Variants in SAMMSON observed in about 807,000 individuals in gnomAD.
SAMMSON encodes long intergenic non-protein coding RNA 1212.
intron 7 of SAMMSON, among the ~76,000 whole-genome samples, chr3:70,316,527 A>C (rs1157670481): frequency 1.3e-5 from 2 of 152,078 alleles, no homozygotes; most frequent in South Asian, 2.1e-4. Context: ...TCTGTTGTTC[A>C]GTATACTCAG....
intron 3 of SAMMSON, among the ~76,000 whole-genome samples, chr3:70,051,134 CAAAAAAAAA>C (rs71126477): frequency 0.022 from 1,006 of 45,218 alleles, 6 homozygotes; most frequent in Middle Eastern, 0.071. Flanking sequence ...TACTCCATCT[CAAAAAAAAA>C]AAAAAAAAAA....
chr3:70,112,463 A>T (rs902404138), intron 4 of SAMMSON, among the ~76,000 whole-genome samples: 1 of 152,094 alleles, frequency 6.6e-6, no homozygotes, highest in African/African-American at 2.4e-5. Flanking sequence ...AAAGAGTGGG[A>T]CAGAAGAAGC....
intron 4 of SAMMSON, among the ~76,000 whole-genome samples, chr3:70,103,915 C>T (rs1193510562): frequency 5.9e-5 from 9 of 151,726 alleles, no homozygotes; most frequent in African/African-American, 1.5e-4. Context: ...TGAATCTTTA[C>T]GTCTTGCCCT....
intron 1 of SAMMSON, among the ~76,000 whole-genome samples, chr3:70,000,262 A>G (rs1232324850): frequency 6.6e-6 from 1 of 152,154 alleles, no homozygotes; most frequent in East Asian, 1.9e-4. Flanking sequence ...GCCTGTCTGT[A>G]TGCTCCTCTA....
chr3:70,207,033 CTTTT>C (rs11317960), intron 4 of SAMMSON, among the ~76,000 whole-genome samples: 3 of 139,634 alleles, frequency 2.1e-5, no homozygotes, highest in South Asian at 4.5e-4. Flanking sequence ...CTTATTTCTA[CTTTT>C]TTTTTTTTTT....
At chr3:70,180,025 T>TGC (rs1203221772) in intron 4 of SAMMSON, among the ~76,000 whole-genome samples, 8 of 150,470 alleles carry the variant, frequency 5.3e-5, no homozygotes, top group East Asian at 2.0e-4. Flanking sequence ...TGTGTGTGTG[T>TGC]GTGCGCGCAC....
chr3:70,023,690 C>T (rs1360130262), intron 3 of SAMMSON, among the ~76,000 whole-genome samples: 7 of 152,062 alleles, frequency 4.6e-5, no homozygotes, highest in African/African-American at 1.7e-4. Flanking sequence ...CCCATTTGTC[C>T]ACTATCAGAA....
At chr3:70,425,660 G>A (rs755796765) in intron 2 of SAMMSON, among the ~76,000 whole-genome samples, 46 of 151,684 alleles carry the variant, frequency 3.0e-4, no homozygotes, top group Admixed American at 2.5e-3. Flanking sequence ...TGATCCGCCC[G>A]CCTCCCAAAG....
intron 3 of SAMMSON, among the ~76,000 whole-genome samples, chr3:70,029,593 A>C: frequency 6.6e-6 from 1 of 152,080 alleles, no homozygotes; most frequent in Admixed American, 6.6e-5. Flanking sequence ...GTCTCTACTA[A>C]AAATACAAAA....
chr3:70,065,519 T>G (rs2067206319), intron 3 of SAMMSON, among the ~76,000 whole-genome samples: 2 of 152,090 alleles, frequency 1.3e-5, no homozygotes, highest in African/African-American at 4.8e-5. Flanking sequence ...CTTTGTGTTT[T>G]GTTTTTTTTA....
chr3:70,193,330 G>C (rs943544752), intron 4 of SAMMSON, among the ~76,000 whole-genome samples: 5 of 152,120 alleles, frequency 3.3e-5, no homozygotes, highest in Non-Finnish European at 5.9e-5. Context: ...GTCTTGCTCT[G>C]TCACCCAGGC....
chr3:70,091,808 G>A (rs147044871), intron 4 of SAMMSON, among the ~76,000 whole-genome samples: 33 of 152,236 alleles, frequency 2.2e-4, no homozygotes, highest in African/African-American at 7.0e-4. Flanking sequence ...TAAAAGTCAA[G>A]AGGTATGCAC....
intron 2 of SAMMSON, among the ~76,000 whole-genome samples, chr3:70,420,149 T>A (rs867557212): frequency 2.8e-4 from 42 of 152,184 alleles, no homozygotes; most frequent in Non-Finnish European, 5.9e-5. Context: ...AATTTACTTA[T>A]AATAAACTGG....
At chr3:70,317,643 C>T (rs754811379) in intron 7 of SAMMSON, among the ~76,000 whole-genome samples, 38 of 150,974 alleles carry the variant, frequency 2.5e-4, no homozygotes, top group Non-Finnish European at 5.0e-4. Flanking sequence ...TGGATATACA[C>T]GCGTGTATAG....
intron 7 of SAMMSON, among the ~76,000 whole-genome samples, chr3:70,333,200 G>C (rs1049402951): frequency 7.2e-5 from 11 of 151,966 alleles, no homozygotes; most frequent in African/African-American, 2.7e-4. Context: ...GACAGAGCCT[G>C]TTTCACACTT....
intron 2 of SAMMSON, among the ~76,000 whole-genome samples, chr3:70,013,320 TC>T (rs1559771980): frequency 6.6e-6 from 1 of 152,280 alleles, no homozygotes; most frequent in South Asian, 2.1e-4. Flanking sequence ...AAGAGTAGCC[TC>T]CTCAAAGGTT....
intron 7 of SAMMSON, among the ~76,000 whole-genome samples, chr3:70,333,278 G>A (rs1702638827): frequency 2.0e-5 from 3 of 152,040 alleles, no homozygotes. Context: ...CATGTGACCT[G>A]ATCCTGCCAA....
intron 2 of SAMMSON, among the ~76,000 whole-genome samples, chr3:70,400,314 G>A (rs778119986): frequency 6.6e-6 from 1 of 152,162 alleles, no homozygotes; most frequent in African/African-American, 2.4e-5. Flanking sequence ...GGTCATGCAG[G>A]TGGATCCCTC....
chr3:70,245,288 A>AAATTACTTTTG (rs1432899489), intron 4 of SAMMSON, among the ~76,000 whole-genome samples: 2 of 152,106 alleles, frequency 1.3e-5, no homozygotes, highest in Non-Finnish European at 2.9e-5. Flanking sequence ...TGGTGATATA[A>AAATTACTTTTG]AATTACTTTT....
Sources: gnomAD v4.1 joint callset for allele counts (sites outside exome capture counted in the v4.1 genomes callset) on GRCh38, gnomAD v4.1.1 for gene constraint, MANE v1.5 for transcripts, NCBI Gene and HGNC (gene_info 2026-07-23, HGNC 2026-07-21) for gene names.